Variants in UGGT2 observed in about 807,000 individuals in gnomAD.
UGGT2 encodes the protein UDP-glucose glycoprotein glucosyltransferase 2.
Under a neutral mutation model 192.1 loss-of-function variants are expected in UGGT2, and 180 were observed. The observed-to-expected ratio is 0.94, with a 90% CI of 0.83 to 1.06. The LOEUF (loss-of-function observed/expected upper bound fraction) is 1.06. Among genes scored for constraint, UGGT2 ranks in the 50% least tolerant of loss-of-function variants. The probability of loss-of-function intolerance (pLI) is 0.00; values close to 1 mark genes in which losing one functional copy is unlikely to be tolerated. For missense variants in UGGT2, 1,849 were observed against 1,795.7 expected (o/e 1.03, Z -0.54); for synonymous variants, 580 against 591.0 (o/e 0.98, Z 0.27).
Position 95,927,010 on chromosome 13 carries a change from A to G in UGGT2, c.2200+18T>C, listed in dbSNP as rs758687537. 45 of 1,577,464 alleles carry G rather than the reference A, an allele frequency of 2.9e-5. No individual in the cohort carries two copies. Among genetic ancestry groups the G allele is most frequent in the Non-Finnish European group, 3.8e-5 (44 of 1,164,656 alleles). On this transcript the variant is annotated intron_variant, in intron 19 of 38. Transcript: ENST00000376747. The stretch of plus-strand genomic sequence containing the variant: ...TCTATCACTTTAAGAATTCAGGTAA[A>G]TAAAATATGCTTATTACCGTCTTGG...
At chr13:95,850,299 G>A (rs1458315899) in intron 36 of UGGT2, among the ~76,000 whole-genome samples, 1 of 152,184 alleles carries the variant, frequency 6.6e-6, no homozygotes, top group Non-Finnish European at 1.5e-5. Flanking sequence ...GTGGTGAATG[G>A]CTTGACCAAT....
At position 95,832,980 on chromosome 13, in the gene UGGT2, T is replaced by C. The variant is rs1444169880; in HGVS notation, c.4475A>G (p.Asp1492Gly). ...ARIVPEWVEY[D>G]AEIRQLLDHL... is the part of the protein sequence containing the mutation. ...ATCTAATAGTTGTCTTATCTCAGCATCATACTCCACCCATTCTGGGACAAT... is the reference window on the plus strand; with the variant it reads ...ATCTAATAGTTGTCTTATCTCAGCACCATACTCCACCCATTCTGGGACAAT... Residue 1492 changes from aspartate (D) to glycine (G), a missense_variant, in exon 38 of 39, where the codon GAT becomes GGT. Transcript: ENST00000376747. 7 of 1,612,952 alleles carry C rather than the reference T, an allele frequency of 4.3e-6. No individual in the cohort carries two copies. Among genetic ancestry groups the C allele is most frequent in the Non-Finnish European group, 5.9e-6 (7 of 1,179,314 alleles).
intron 2 of UGGT2, among the ~76,000 whole-genome samples, chr13:96,031,354 C>T (rs1180863592): frequency 2.6e-5 from 4 of 152,140 alleles, no homozygotes; most frequent in Admixed American, 6.5e-5. Context: ...CTCTCTCTGT[C>T]GCTCAGGCTG....
chr13:96,018,426 G>A lies in UGGT2; in HGVS notation c.485+4614C>T, dbSNP rs1331335580. ...ATCTACTCAGGAGGCTGAGGCAGAAGTACAACTTGAGCCTGGGAAGCAGAA... is the reference window on the plus strand; with the variant it reads ...ATCTACTCAGGAGGCTGAGGCAGAAATACAACTTGAGCCTGGGAAGCAGAA... On this transcript the variant is annotated intron_variant, in intron 4 of 38. Transcript: ENST00000376747. Among the ~76,000 whole-genome samples the A allele has an allele frequency of 5.3e-5, 8 of 152,236 alleles. No homozygotes were observed. The South Asian group carries it at 1.2e-3, about 24-fold the overall frequency.
At position 95,947,071 on chromosome 13, in the gene UGGT2, A is replaced by T. The variant is rs200898292; in HGVS notation, c.1643T>A (p.Phe548Tyr). 1.2e-6 allele frequency: 2 copies of T among 1,607,804 alleles called. No homozygotes were observed. Among genetic ancestry groups the T allele is most frequent in the East Asian group, 4.5e-5 (2 of 44,746 alleles). ...AGAAATAAATGCTTCTGATATATCAAATTCTTCTGCAATATAGTTGAAAGC... is the reference window on the plus strand; with the variant it reads ...AGAAATAAATGCTTCTGATATATCATATTCTTCTGCAATATAGTTGAAAGC... ...WRAFNYIAEE[F>Y]DISEAFISIV... The change falls in exon 15 of 39, where the codon TTT (phenylalanine) becomes TAT (tyrosine). Residue 548 changes from phenylalanine (F) to tyrosine (Y), a missense_variant. Phe to Tyr is a conservative substitution (Grantham distance 22). Coordinates refer to ENST00000376747, the MANE Select transcript of UGGT2 (RefSeq NM_020121.4).
intron 38 of UGGT2, among the ~76,000 whole-genome samples, chr13:95,825,564 A>G (rs538709048): frequency 6.6e-6 from 1 of 152,270 alleles, no homozygotes; most frequent in East Asian, 1.9e-4. Flanking sequence ...AACCTGGAGG[A>G]TACCTCTCCT....
intron 20 of UGGT2, among the ~76,000 whole-genome samples, chr13:95,923,368 CTTTTT>C (rs67003679): frequency 1.7e-5 from 2 of 119,658 alleles, no homozygotes; most frequent in African/African-American, 3.2e-5. Context: ...TCAGCATATT[CTTTTT>C]TTTTTTTTTT....
rs552050337 is a variant in UGGT2, at chr13:96,014,997, G to A, written c.486-1516C>T. The stretch of plus-strand genomic sequence containing the variant: ...TACTACTGTTGAAAACTAGAAAGGC[G>A]GCCAGGCGCGGTGGCTCAGGCCTGA... On this transcript the variant is annotated intron_variant, in intron 4 of 38. Transcript: ENST00000376747. Among the ~76,000 whole-genome samples the A allele has an allele frequency of 1.4e-4, 22 of 152,012 alleles. No homozygotes were observed. In the East Asian group the frequency reaches 1.7e-3, roughly 12 times the overall value.
At chr13:95,902,747 CATTT>C (rs1171306659) in intron 21 of UGGT2, 103 bp downstream of exon 21, 2 of 1,088,862 alleles carry the variant, frequency 1.8e-6, no homozygotes, top group Non-Finnish European at 2.6e-6. Flanking sequence ...TTATTATCTT[CATTT>C]GTTTAAATCT....
intron 7 of UGGT2, among the ~76,000 whole-genome samples, chr13:95,993,715 G>A (rs1028134263): frequency 6.6e-6 from 1 of 152,244 alleles, no homozygotes. Context: ...TATCCTTACT[G>A]TCTATAGTTA....
At chr13:95,847,838 A>G (rs915674879) in intron 36 of UGGT2, among the ~76,000 whole-genome samples, 2 of 152,222 alleles carry the variant, frequency 1.3e-5, no homozygotes, top group Admixed American at 6.5e-5. Context: ...CAATGGCTAA[A>G]TTGTATGGTA....
chr13:95,930,624 T>C (rs1224923005), intron 17 of UGGT2, among the ~76,000 whole-genome samples: 1 of 152,196 alleles, frequency 6.6e-6, no homozygotes, highest in Non-Finnish European at 1.5e-5. Flanking sequence ...ATGTGTCTAT[T>C]TTTGTACCAG....
rs546943397 is a variant in UGGT2, at chr13:95,949,414, C to T, written c.1376G>A (p.Trp459Ter). ...DLENDDLYIT[W>*]PTSCQKLLKP... Reference sequence around the variant, plus strand: ...CAGAAGTTTCTGGCAACTTGTAGGCCATGTAATATACAAATCATCATTTTC... The same window carrying T: ...CAGAAGTTTCTGGCAACTTGTAGGCTATGTAATATACAAATCATCATTTTC... The change falls in exon 13 of 39, where the codon TGG becomes TAG. Residue 459 changes from tryptophan to a stop codon, truncating the protein, a stop_gained. Transcript: ENST00000376747. LOFTEE classifies it high-confidence loss of function. 6.3e-6 allele frequency: 10 copies of T among 1,576,072 alleles called. No individual in the cohort carries two copies. The Admixed American group carries it at 1.4e-4, about 22-fold the overall frequency.
At chr13:96,022,700 A>G (rs963059298) in intron 4 of UGGT2, among the ~76,000 whole-genome samples, 3 of 151,886 alleles carry the variant, frequency 2.0e-5, no homozygotes, top group Admixed American at 1.3e-4. Context: ...AACCTCATCT[A>G]TTGTTTTGAT....
At chr13:95,888,506 A>T (rs187187802) in intron 25 of UGGT2, among the ~76,000 whole-genome samples, 1 of 152,218 alleles carries the variant, frequency 6.6e-6, no homozygotes, top group East Asian at 1.9e-4. Flanking sequence ...AAGCTGTTAG[A>T]TAACAAATGA....
intron 38 of UGGT2, among the ~76,000 whole-genome samples, chr13:95,821,569 A>C (rs1885521009): frequency 6.6e-6 from 1 of 152,136 alleles, no homozygotes; most frequent in Non-Finnish European, 1.5e-5. Context: ...GCCATGCAGA[A>C]GCTTTTTAAT....
At chr13:96,009,154 A>C (rs886176859) in intron 5 of UGGT2, among the ~76,000 whole-genome samples, 1 of 152,194 alleles carries the variant, frequency 6.6e-6, no homozygotes, top group African/African-American at 2.4e-5. Flanking sequence ...GAAGACTGAA[A>C]CTGGACTCCT....
At chr13:95,983,106 C>T (rs1026588770) in intron 10 of UGGT2, among the ~76,000 whole-genome samples, 3 of 152,162 alleles carry the variant, frequency 2.0e-5, no homozygotes, top group African/African-American at 4.8e-5. Context: ...AAGGTGGCCA[C>T]ATGGCAAAAT....
intron 36 of UGGT2, among the ~76,000 whole-genome samples, chr13:95,842,836 C>T (rs1888011294): frequency 1.3e-5 from 2 of 152,216 alleles, no homozygotes; most frequent in African/African-American, 2.4e-5. Context: ...ATGTGAGTGA[C>T]TTTGCCTAGC....
Sources: gnomAD v4.1 joint callset for allele counts (sites outside exome capture counted in the v4.1 genomes callset) on GRCh38, gnomAD v4.1.1 for gene constraint, MANE v1.5 for transcripts, NCBI Gene and HGNC (gene_info 2026-07-23, HGNC 2026-07-21) for gene names.